TAFA4: variants seen among roughly 807,000 people sequenced by gnomAD.
TAFA4 encodes the protein TAFA chemokine like family member 4.
Under a neutral mutation model 21.1 loss-of-function variants are expected in TAFA4, and 20 were observed. The observed-to-expected ratio is 0.95, with a 90% CI of 0.67 to 1.38. The LOEUF (loss-of-function observed/expected upper bound fraction) is 1.38, where lower values mean the gene tolerates loss of function less well. TAFA4 is among the 40% of genes most tolerant of loss of function. The pLI is 0.00. For synonymous variants in TAFA4, 71 were observed against 67.4 expected (o/e 1.05, Z -0.26); for missense variants, 211 against 180.9 (o/e 1.17, Z -0.95).
chr3:68,782,205 T>G (rs1703166393), intron 3 of TAFA4, among the ~76,000 whole-genome samples: 1 of 152,114 alleles, frequency 6.6e-6, no homozygotes, highest in African/African-American at 2.4e-5. Context: ...TAGATATTTC[T>G]CCAAAGAAGA....
At chr3:68,876,489 C>T (rs1383704300) in intron 3 of TAFA4, among the ~76,000 whole-genome samples, 1 of 152,058 alleles carries the variant, frequency 6.6e-6, no homozygotes, top group Admixed American at 6.6e-5. Flanking sequence ...TGTTATATTC[C>T]CCACTCAGTT....
intron 3 of TAFA4, among the ~76,000 whole-genome samples, chr3:68,799,420 C>G (rs960775542): frequency 6.6e-6 from 1 of 152,094 alleles, no homozygotes; most frequent in Non-Finnish European, 1.5e-5. Flanking sequence ...GACCGAATCA[C>G]CTCCCAAAGA....
chr3:68,900,927 CCTT>C (rs1186646080), intron 1 of TAFA4, among the ~76,000 whole-genome samples: 1 of 152,172 alleles, frequency 6.6e-6, no homozygotes, highest in African/African-American at 2.4e-5. Flanking sequence ...CCCCATCAAA[CCTT>C]CTAAGAAAGG....
intron 4 of TAFA4, among the ~76,000 whole-genome samples, chr3:68,740,364 C>A (rs896255229): frequency 3.3e-5 from 5 of 152,274 alleles, no homozygotes; most frequent in African/African-American, 9.6e-5. Flanking sequence ...ACATGGTATT[C>A]ATCTCTCCAT....
intron 3 of TAFA4, 96 bp downstream of exon 3, chr3:68,880,634 G>A: frequency 1.0e-6 from 1 of 966,508 alleles, no homozygotes. Flanking sequence ...CACACCATCA[G>A]AAGCTCACAT....
intron 3 of TAFA4, among the ~76,000 whole-genome samples, chr3:68,832,549 T>C (rs1262519879): frequency 6.6e-6 from 1 of 152,212 alleles, no homozygotes; most frequent in Non-Finnish European, 1.5e-5. Context: ...TGATCCTTCC[T>C]CTGGAAGCTT....
intron 1 of TAFA4, among the ~76,000 whole-genome samples, chr3:68,906,979 C>G (rs2089906884): frequency 7.3e-6 from 1 of 137,422 alleles, no homozygotes. Context: ...TGCAGTGAGC[C>G]AAGATTGCAC....
intron 1 of TAFA4, among the ~76,000 whole-genome samples, chr3:68,919,938 C>G (rs1462038917): frequency 6.6e-6 from 1 of 152,212 alleles, no homozygotes; most frequent in Non-Finnish European, 1.5e-5. Flanking sequence ...CAGGCAATTA[C>G]ACTTCTACCC....
chr3:68,856,914 T>G (rs1361920034), intron 3 of TAFA4, among the ~76,000 whole-genome samples: 1 of 151,964 alleles, frequency 6.6e-6, no homozygotes, highest in Non-Finnish European at 1.5e-5. Flanking sequence ...TGACCTTGAG[T>G]TACACACAGA....
intron 1 of TAFA4, among the ~76,000 whole-genome samples, chr3:68,930,528 A>G (rs1048693183): frequency 3.9e-5 from 6 of 152,252 alleles, no homozygotes; most frequent in Non-Finnish European, 7.3e-5. Context: ...GCAAAGCAGA[A>G]CAATGAGACA....
intron 4 of TAFA4, among the ~76,000 whole-genome samples, chr3:68,744,566 CTTTCAGCAGATAAA>C (rs1702419006): frequency 6.6e-6 from 1 of 152,160 alleles, no homozygotes; most frequent in South Asian, 2.1e-4. Flanking sequence ...TAATCTCAAC[CTTTCAGCAGATAAA>C]TTCCAGTCAG....
intron 1 of TAFA4, among the ~76,000 whole-genome samples, chr3:68,919,631 A>G (rs1434459256): frequency 6.6e-6 from 1 of 152,226 alleles, no homozygotes; most frequent in Non-Finnish European, 1.5e-5. Context: ...CACATTAACC[A>G]CATTTCAAGT....
chr3:68,841,695 T>C lies in TAFA4; in HGVS notation c.130+39035A>G, dbSNP rs558236244. Among the ~76,000 whole-genome samples the C allele has an allele frequency of 6.1e-4, 93 of 151,374 alleles. 1 individual carries two copies. Among genetic ancestry groups the C allele is most frequent in the Admixed American group, 3.7e-3 (56 of 15,214 alleles). ...TATTTCTCCAATACTATCCCTCCCCTACCCCCCAACCCCCTGACAGGCCCT... is the reference window on the plus strand; with the variant it reads ...TATTTCTCCAATACTATCCCTCCCCCACCCCCCAACCCCCTGACAGGCCCT... On this transcript the variant is annotated intron_variant, in intron 3 of 5. Transcript: ENST00000295569.
At chr3:68,856,929 G>C (rs1482613595) in intron 3 of TAFA4, among the ~76,000 whole-genome samples, 1 of 152,094 alleles carries the variant, frequency 6.6e-6, no homozygotes. Context: ...CACAGAATGG[G>C]TCTGAGCCTC....
In TAFA4 at chr3:68,752,954, G is replaced by T. The variant is rs1702585005; in HGVS notation, c.195C>A (p.Asn65Lys). 5 of 1,614,112 alleles carry T rather than the reference G, an allele frequency of 3.1e-6. No individual in the cohort carries two copies. Among genetic ancestry groups the T allele is most frequent in the Middle Eastern group, 1.6e-4 (1 of 6,062 alleles). The change falls in exon 4 of 6, where the codon AAC becomes AAA. Residue 65 changes from asparagine to lysine, a missense_variant. Asn to Lys is a moderately conservative substitution (Grantham distance 94, BLOSUM62 0). Coordinates refer to ENST00000295569, the MANE Select transcript of TAFA4 (RefSeq NM_182522.5). ...CCGTTTGTGACCGCTCTTCTATGCG[G>T]TTCTTATTGCAGCACCTGTGCACGG... is the stretch of plus-strand genomic sequence containing the variant. Reference protein sequence around the residue: ...VVAVHRCCNKNRIEERSQTVK... With the variant: ...VVAVHRCCNKKRIEERSQTVK...
At chr3:68,767,002 C>G (rs1436750649) in intron 3 of TAFA4, among the ~76,000 whole-genome samples, 2 of 152,094 alleles carry the variant, frequency 1.3e-5, no homozygotes, top group Non-Finnish European at 2.9e-5. Context: ...ATCAATAAAG[C>G]ATGAGACTTA....
At chr3:68,733,378 G>T (rs1234893803) in intron 5 of TAFA4, among the ~76,000 whole-genome samples, 1 of 152,164 alleles carries the variant, frequency 6.6e-6, no homozygotes, top group East Asian at 1.9e-4. Flanking sequence ...GTATTATGCA[G>T]TCTGGCTTTG....
In TAFA4 at chr3:68,855,415, A is replaced by G. The variant is rs145511689; in HGVS notation, c.130+25315T>C. Among the ~76,000 whole-genome samples, 16 of 152,290 alleles carry G rather than the reference A, an allele frequency of 1.1e-4. No individual in the cohort carries two copies. The East Asian group carries it at 2.7e-3, about 26-fold the overall frequency. ...CTTTTCATTTAATTCCACAACAGTT[A>G]TAAGAATGTACTTTCAAACATTCTG... On this transcript the variant is annotated intron_variant, in intron 3 of 5. Coordinates refer to ENST00000295569, the MANE Select transcript of TAFA4 (RefSeq NM_182522.5).
intron 5 of TAFA4, among the ~76,000 whole-genome samples, chr3:68,738,605 T>A (rs761063319): frequency 6.6e-6 from 1 of 152,180 alleles, no homozygotes; most frequent in Non-Finnish European, 1.5e-5. Flanking sequence ...GGGTAGACAA[T>A]GGTGTTCTTC....
Sources: gnomAD v4.1 joint callset for allele counts (sites outside exome capture counted in the v4.1 genomes callset) on GRCh38, gnomAD v4.1.1 for gene constraint, MANE v1.5 for transcripts, NCBI Gene and HGNC (gene_info 2026-07-23, HGNC 2026-07-21) for gene names.